The following LRMDA variants were observed in gnomAD, a reference collection of about 807,000 sequenced individuals.
LRMDA encodes leucine rich melanocyte differentiation associated, also known as leucine-rich melanocyte differentiation-associated protein.
Under a neutral mutation model 29.8 loss-of-function variants are expected in LRMDA, and 18 were observed. That is an observed-to-expected ratio of 0.60 (90% CI 0.42 to 0.90). The LOEUF (loss-of-function observed/expected upper bound fraction) is 0.90. LRMDA is among the 40% of genes least tolerant of loss of function. The probability of loss-of-function intolerance (pLI) is 0.00; values close to 1 mark genes in which losing one functional copy is unlikely to be tolerated. For synonymous variants in LRMDA, 125 were observed against 109.4 expected, an observed-to-expected ratio of 1.14 and a Z score of -0.89; for missense variants, 273 against 273.9, an observed-to-expected ratio of 1.00 and a Z score of 0.02.
intron 6 of LRMDA, among the ~76,000 whole-genome samples, chr10:76,359,958 C>G (rs1263620515): frequency 6.6e-6 from 1 of 152,020 alleles, no homozygotes. Context: ...CAACTTGTTG[C>G]CCTTGGATCG....
Position 76,449,885 on chromosome 10 carries a change from A to G in LRMDA, c.602-107324A>G, listed in dbSNP as rs186209587. Among the ~76,000 whole-genome samples the G allele has an allele frequency of 4.2e-3, 638 of 152,192 alleles. 3 individuals carry two copies. The highest frequency in any genetic ancestry group is 0.027 in the Middle Eastern group (8 of 294). Reference sequence around the variant, plus strand: ...TTTTACCTGGTGTTATGCTATCAACATTTTATGATAAAATCCTGATTTTTA... The same window carrying G: ...TTTTACCTGGTGTTATGCTATCAACGTTTTATGATAAAATCCTGATTTTTA... On this transcript the variant is annotated intron_variant, in intron 6 of 6. Coordinates refer to ENST00000611255, the MANE Select transcript of LRMDA (RefSeq NM_001305581.2).
chr10:75,529,171 A>C (rs769444128), intron 2 of LRMDA, among the ~76,000 whole-genome samples: 2 of 152,244 alleles, frequency 1.3e-5, no homozygotes, highest in Non-Finnish European at 2.9e-5. Flanking sequence ...CCATTAAAAT[A>C]GACTCACACC....
At chr10:75,461,653 A>G (rs1844587039) in intron 2 of LRMDA, among the ~76,000 whole-genome samples, 3 of 152,236 alleles carry the variant, frequency 2.0e-5, no homozygotes, top group Non-Finnish European at 2.9e-5. Context: ...AATCTTGAGC[A>G]TCTTGATACA....
chr10:76,220,933 G>C (rs1389031909), intron 5 of LRMDA, among the ~76,000 whole-genome samples: 6 of 151,892 alleles, frequency 4.0e-5, no homozygotes, highest in Non-Finnish European at 5.9e-5. Context: ...ATGATCAAGT[G>C]GGCTTCATCC....
At chr10:75,896,199 GT>G (rs1462748134) in intron 2 of LRMDA, among the ~76,000 whole-genome samples, 1 of 152,160 alleles carries the variant, frequency 6.6e-6, no homozygotes, top group African/African-American at 2.4e-5. Flanking sequence ...GTACTTTGGT[GT>G]TAGTGGGTGC....
intron 2 of LRMDA, among the ~76,000 whole-genome samples, chr10:75,841,720 T>G (rs1844544339): frequency 6.6e-6 from 1 of 152,166 alleles, no homozygotes; most frequent in Non-Finnish European, 1.5e-5. Flanking sequence ...TTTGGCACTT[T>G]TTGGTAACCT....
intron 5 of LRMDA, among the ~76,000 whole-genome samples, chr10:76,102,787 G>T (rs1260575906): frequency 6.6e-6 from 1 of 151,928 alleles, no homozygotes; most frequent in African/African-American, 2.4e-5. Flanking sequence ...TGTGTAGCTG[G>T]GACTATAGGT....
At chr10:76,534,492 AAAAATT>A (rs1301049266) in intron 6 of LRMDA, among the ~76,000 whole-genome samples, 1 of 152,222 alleles carries the variant, frequency 6.6e-6, no homozygotes, top group East Asian at 1.9e-4. Flanking sequence ...GCAGAGCCAC[AAAAATT>A]ACACCTGGAG....
chr10:76,076,345 C>CAAAA (rs397846101), intron 5 of LRMDA, among the ~76,000 whole-genome samples: 13 of 49,988 alleles, frequency 2.6e-4, no homozygotes, highest in Non-Finnish European at 3.2e-4. Context: ...GACTCCATCT[C>CAAAA]AAAAAAAAAA....
intron 6 of LRMDA, among the ~76,000 whole-genome samples, chr10:76,554,897 G>GT (rs1258463774): frequency 2.0e-5 from 3 of 146,506 alleles, no homozygotes; most frequent in Non-Finnish European, 4.5e-5. Context: ...GTGTGTGTGT[G>GT]GTGTGTGTGT....
chr10:75,588,159 A>C (rs1401313507), intron 2 of LRMDA, among the ~76,000 whole-genome samples: 1 of 152,146 alleles, frequency 6.6e-6, no homozygotes, highest in Admixed American at 6.5e-5. Context: ...AGGAAGGTTG[A>C]ATGAGGTTAC....
In LRMDA at chr10:76,363,253, A is replaced by AGG. The variant is rs1367046022; in HGVS notation, c.601+38768_601+38769insGG. Reference sequence around the variant, plus strand: ...AAAGAAAGAAAGAAAGAAAGAAAGAAAGAAGGAAGGAAGGAAGGAAGGAAA... The same window carrying AGG: ...AAAGAAAGAAAGAAAGAAAGAAAGAAGGAGAAGGAAGGAAGGAAGGAAGGAAA... On this transcript the variant is annotated intron_variant, in intron 6 of 6. Coordinates refer to ENST00000611255, the MANE Select transcript of LRMDA (RefSeq NM_001305581.2). 2.3e-4 allele frequency among the ~76,000 whole-genome samples: 15 copies of AGG among 63,892 alleles called. 1 individual carries two copies. The highest frequency in any genetic ancestry group is 5.6e-4 in the African/African-American group (9 of 16,142). 41.9% of individuals were successfully genotyped at this position (63,892 alleles called of 152,430 possible). A position where few individuals can be genotyped will look rare whatever the true frequency, so the allele number is the denominator to read the frequency against.
Position 75,979,939 on chromosome 10 carries a change from T to G in LRMDA, c.132-56069T>G, listed in dbSNP as rs996929099. Among the ~76,000 whole-genome samples the G allele has an allele frequency of 2.9e-4, 44 of 152,264 alleles. 3 individuals carry two copies. On this transcript the variant is annotated intron_variant, in intron 2 of 6. Coordinates refer to ENST00000611255, the MANE Select transcript of LRMDA (RefSeq NM_001305581.2). Reference sequence around the variant, plus strand: ...GTCATTTATTTTAGAATGGGCTTGTTGACAAGGTTTTGTTTTTTTCTTCTG... The same window carrying G: ...GTCATTTATTTTAGAATGGGCTTGTGGACAAGGTTTTGTTTTTTTCTTCTG...
chr10:75,667,594 C>A (rs1392912184), intron 2 of LRMDA, among the ~76,000 whole-genome samples: 1 of 152,210 alleles, frequency 6.6e-6, no homozygotes, highest in Non-Finnish European at 1.5e-5. Context: ...AGCCACTGCA[C>A]CCAGGCTAGT....
At chr10:76,328,411 G>A (rs1215328789) in intron 6 of LRMDA, among the ~76,000 whole-genome samples, 1 of 152,182 alleles carries the variant, frequency 6.6e-6, no homozygotes, top group Non-Finnish European at 1.5e-5. Flanking sequence ...ACCCTGTAAA[G>A]TGAGGAGTGC....
intron 2 of LRMDA, among the ~76,000 whole-genome samples, chr10:75,921,586 T>C (rs1047752087): frequency 1.3e-5 from 2 of 152,164 alleles, no homozygotes; most frequent in Admixed American, 6.5e-5. Context: ...CCAGTTGAAG[T>C]AGAAAAAAGC....
At chr10:76,206,340 A>G (rs573009152) in intron 5 of LRMDA, among the ~76,000 whole-genome samples, 20 of 152,260 alleles carry the variant, frequency 1.3e-4, no homozygotes, top group African/African-American at 3.1e-4. Context: ...GCTTGCTCAC[A>G]TGGCATCTTT....
intron 2 of LRMDA, among the ~76,000 whole-genome samples, chr10:75,845,525 T>A (rs896990761): frequency 6.6e-6 from 1 of 152,218 alleles, no homozygotes; most frequent in Non-Finnish European, 1.5e-5. Context: ...CCTTCCCACC[T>A]TCAGGTGGAC....
chr10:75,535,008 G>T (rs1336867707), intron 2 of LRMDA, among the ~76,000 whole-genome samples: 1 of 152,036 alleles, frequency 6.6e-6, no homozygotes, highest in Non-Finnish European at 1.5e-5. Context: ...TTTATTTGAT[G>T]ATGTCTCTGT....
Sources: allele counts gnomAD v4.1 joint callset (sites outside exome capture counted in the v4.1 genomes callset), GRCh38; gene constraint gnomAD v4.1.1; transcripts MANE v1.5; gene names NCBI Gene and HGNC (gene_info 2026-07-23, HGNC 2026-07-21).